The following ETV1 variants were observed in gnomAD, a reference collection of about 807,000 sequenced individuals.
The protein encoded by ETV1 is ETS variant transcription factor 1, also known as ETS translocation variant 1.
In ETV1, 27 loss-of-function variants were observed where a neutral mutation model predicts 62.3. That is an observed-to-expected ratio of 0.43 (90% confidence interval 0.32 to 0.60). The LOEUF (loss-of-function observed/expected upper bound fraction) is 0.60, where lower values mean the gene tolerates loss of function less well. ETV1 is among the 20% of genes least tolerant of loss of function. ETV1 has a pLI of 0.06. For missense variants in ETV1, 605 were observed against 605.8 expected (o/e 1.00, Z 0.01); for synonymous variants, 222 against 199.6 (o/e 1.11, Z -0.94).
intron 9 of ETV1, among the ~76,000 whole-genome samples, chr7:13,929,190 C>A (rs1382142701): frequency 6.6e-6 from 1 of 151,892 alleles, no homozygotes. Context: ...ATAATAGAGC[C>A]CACTGTATTG....
intron 6 of ETV1, among the ~76,000 whole-genome samples, chr7:13,954,284 G>T (rs1308958704): frequency 6.6e-6 from 1 of 152,164 alleles, no homozygotes; most frequent in East Asian, 1.9e-4. Flanking sequence ...GTGGGCTTCA[G>T]AACCAGAGCA....
chr7:13,949,722 A>G (rs935800471), intron 6 of ETV1, among the ~76,000 whole-genome samples: 3 of 152,226 alleles, frequency 2.0e-5, no homozygotes, highest in African/African-American at 7.2e-5. Flanking sequence ...AAAACAAGCG[A>G]TAACATTTCT....
intron 5 of ETV1, chr7:13,985,339 T>C (rs1053019412): frequency 6.6e-6 from 1 of 152,078 alleles, no homozygotes. Context: ...TAGCCAAAAC[T>C]TTCAGTAAGT....
intron 9 of ETV1, among the ~76,000 whole-genome samples, chr7:13,913,781 T>C (rs765443180): frequency 2.6e-5 from 4 of 152,106 alleles, no homozygotes; most frequent in Non-Finnish European, 5.9e-5. Flanking sequence ...AATCTATCTA[T>C]TAATCTATGA....
intron 9 of ETV1, among the ~76,000 whole-genome samples, chr7:13,912,864 T>C (rs1332832026): frequency 6.6e-6 from 1 of 152,098 alleles, no homozygotes; most frequent in Non-Finnish European, 1.5e-5. Flanking sequence ...ACTATCAGAG[T>C]GGGTCAGACT....
chr7:13,896,917 G>C (rs1363084560), intron 13 of ETV1, among the ~76,000 whole-genome samples: 1 of 152,026 alleles, frequency 6.6e-6, no homozygotes, highest in Non-Finnish European at 1.5e-5. Flanking sequence ...TCAAATTGAA[G>C]TAAGAGGTGT....
intron 9 of ETV1, among the ~76,000 whole-genome samples, chr7:13,918,480 C>A (rs1562612843): frequency 6.6e-6 from 1 of 151,770 alleles, no homozygotes; most frequent in East Asian, 1.9e-4. Context: ...GGAACCAACC[C>A]AAATGTCCAA....
intron 9 of ETV1, among the ~76,000 whole-genome samples, chr7:13,922,025 A>G (rs1376165236): frequency 4.6e-5 from 7 of 152,298 alleles, no homozygotes; most frequent in East Asian, 1.9e-4. Context: ...TCTAACTTCC[A>G]TTATTCAATA....
intron 6 of ETV1, among the ~76,000 whole-genome samples, chr7:13,946,145 T>C (rs1788134170): frequency 6.6e-6 from 1 of 152,196 alleles, no homozygotes; most frequent in African/African-American, 2.4e-5. Context: ...CAAAATGATA[T>C]TATATTTTTT....
intron 9 of ETV1, among the ~76,000 whole-genome samples, chr7:13,927,593 T>TTC (rs1416917018): frequency 6.7e-6 from 1 of 149,682 alleles, no homozygotes; most frequent in African/African-American, 2.5e-5. Flanking sequence ...TGCATTAGAT[T>TTC]TCCTCAAAGG....
At chr7:13,949,561 C>A (rs1337985040) in intron 6 of ETV1, among the ~76,000 whole-genome samples, 1 of 152,160 alleles carries the variant, frequency 6.6e-6, no homozygotes, top group Non-Finnish European at 1.5e-5. Flanking sequence ...TCCCCACCCC[C>A]ACTGTGTACA....
intron 13 of ETV1, among the ~76,000 whole-genome samples, chr7:13,899,983 G>A (rs1001620430): frequency 2.0e-5 from 3 of 152,168 alleles, no homozygotes; most frequent in Admixed American, 2.0e-4. Flanking sequence ...ACAAAAATTA[G>A]CTGGGTGTGG....
At chr7:13,954,243 T>C (rs1360508380) in intron 6 of ETV1, among the ~76,000 whole-genome samples, 1 of 152,228 alleles carries the variant, frequency 6.6e-6, no homozygotes, top group Non-Finnish European at 1.5e-5. Flanking sequence ...TAATCAGTGA[T>C]GCAAATACTT....
At chr7:13,991,089 A>T (rs1440123879), upstream of ETV1, 7 of 152,166 alleles carry the variant, frequency 4.6e-5, no homozygotes, top group East Asian at 5.8e-4. Context: ...GCATTCCCGG[A>T]AACTACTAAA....
At chr7:13,938,503 C>A (rs556661401) in intron 7 of ETV1, among the ~76,000 whole-genome samples, 10 of 152,118 alleles carry the variant, frequency 6.6e-5, no homozygotes, top group Admixed American at 4.6e-4. Flanking sequence ...AATTAAAGGC[C>A]AATATGAAAA....
chr7:13,980,564 GAGGAAAGGAGA>G (rs1484036189), intron 5 of ETV1, among the ~76,000 whole-genome samples: 1 of 152,134 alleles, frequency 6.6e-6, no homozygotes. Context: ...AGGGGAAGAG[GAGGAAAGGAGA>G]AGGGGAGAAA....
intron 6 of ETV1, among the ~76,000 whole-genome samples, chr7:13,957,899 T>A (rs1789676700): frequency 6.6e-6 from 1 of 152,154 alleles, no homozygotes; most frequent in Admixed American, 6.5e-5. Flanking sequence ...TGCAAAACAA[T>A]CCTATGATCA....
At chr7:13,903,328 C>T (rs765353680) in intron 12 of ETV1, among the ~76,000 whole-genome samples, 25 of 152,126 alleles carry the variant, frequency 1.6e-4, no homozygotes, top group East Asian at 1.9e-4. Flanking sequence ...TAAAATATCA[C>T]GCTTGAATAT....
intron 6 of ETV1, among the ~76,000 whole-genome samples, chr7:13,949,052 T>A (rs1265822797): frequency 1.3e-5 from 2 of 152,082 alleles, no homozygotes; most frequent in Non-Finnish European, 2.9e-5. Context: ...ATGTATAACA[T>A]GGAGAATTTT....
Sources: gnomAD v4.1 joint callset for allele counts (sites outside exome capture counted in the v4.1 genomes callset) on GRCh38, gnomAD v4.1.1 for gene constraint, MANE v1.5 for transcripts, NCBI Gene and HGNC (gene_info 2026-07-23, HGNC 2026-07-21) for gene names.